The following GRID1 variants were observed in gnomAD, a reference collection of about 807,000 sequenced individuals.
GRID1 encodes glutamate ionotropic receptor delta type subunit 1.
In GRID1, 28 loss-of-function variants were observed where a neutral mutation model predicts 98.0. The ratio of observed to expected loss-of-function variants is 0.29; its 90% confidence interval spans 0.21 to 0.39. GRID1 has a LOEUF of 0.39. Among genes scored for constraint, GRID1 ranks in the 10% least tolerant of loss-of-function variants. The probability of loss-of-function intolerance (pLI) is 1.00; values close to 1 mark genes in which losing one functional copy is unlikely to be tolerated. For missense variants in GRID1, 1,111 were observed against 1,340.5 expected (o/e 0.83, Z 2.67); for synonymous variants, 553 against 538.5 (o/e 1.03, Z -0.37).
intron 4 of GRID1, among the ~76,000 whole-genome samples, chr10:86,103,915 G>A (rs1405485816): frequency 2.0e-5 from 3 of 152,276 alleles, no homozygotes; most frequent in African/African-American, 2.4e-5. Flanking sequence ...CCCTCATGGT[G>A]TTGCCTCCCA....
intron 6 of GRID1, among the ~76,000 whole-genome samples, chr10:85,860,820 G>A (rs1023659503): frequency 6.6e-6 from 1 of 152,160 alleles, no homozygotes; most frequent in African/African-American, 2.4e-5. Context: ...GCTGAGTGAT[G>A]TTGAACAAGC....
At chr10:86,118,626 T>A (rs1166509643) in intron 4 of GRID1, among the ~76,000 whole-genome samples, 1 of 152,190 alleles carries the variant, frequency 6.6e-6, no homozygotes, top group South Asian at 2.1e-4. Context: ...AATAGTGAGA[T>A]CTTTCCAAAG....
intron 4 of GRID1, among the ~76,000 whole-genome samples, chr10:86,113,183 G>A (rs926364509): frequency 6.6e-6 from 1 of 152,178 alleles, no homozygotes; most frequent in South Asian, 2.1e-4. Context: ...AATGGGTCAT[G>A]TCATTGCCCT....
At chr10:85,920,452 T>C (rs761298585) in intron 4 of GRID1, among the ~76,000 whole-genome samples, 8 of 152,104 alleles carry the variant, frequency 5.3e-5, no homozygotes, top group Non-Finnish European at 1.0e-4. Context: ...ATTCCTTCCT[T>C]CCTTCATTCA....
At chr10:86,350,101 G>A (rs973287302) in intron 2 of GRID1, among the ~76,000 whole-genome samples, 3 of 152,230 alleles carry the variant, frequency 2.0e-5, no homozygotes, top group Non-Finnish European at 4.4e-5. Flanking sequence ...CATGTGCAAA[G>A]GCCCCAGGGT....
chr10:86,349,933 C>T (rs1354256491), intron 2 of GRID1, among the ~76,000 whole-genome samples: 2 of 152,138 alleles, frequency 1.3e-5, no homozygotes, highest in Non-Finnish European at 2.9e-5. Context: ...TCATTGCCGA[C>T]GAGGACGCCT....
chr10:86,224,870 A>G (rs1027056626), intron 2 of GRID1, among the ~76,000 whole-genome samples: 1 of 152,186 alleles, frequency 6.6e-6, no homozygotes, highest in Admixed American at 6.5e-5. Flanking sequence ...CGCAACATCC[A>G]GAGCTCAGCT....
intron 8 of GRID1, among the ~76,000 whole-genome samples, chr10:85,848,235 C>T (rs1843025364): frequency 2.0e-5 from 3 of 151,940 alleles, no homozygotes. Context: ...GTATCATGTA[C>T]ATCAGGAGCC....
intron 8 of GRID1, among the ~76,000 whole-genome samples, chr10:85,772,904 A>G (rs1842287553): frequency 6.6e-6 from 1 of 152,282 alleles, no homozygotes. Flanking sequence ...ACAGGGAGGA[A>G]CTGGTACCAT....
chr10:86,165,135 A>G (rs1458538737), intron 3 of GRID1, among the ~76,000 whole-genome samples: 1 of 152,164 alleles, frequency 6.6e-6, no homozygotes, highest in African/African-American at 2.4e-5. Context: ...AACCCCAGCT[A>G]TGACCAATAG....
intron 2 of GRID1, among the ~76,000 whole-genome samples, chr10:86,363,634 A>C (rs569334564): frequency 6.8e-4 from 103 of 151,748 alleles, no homozygotes; most frequent in African/African-American, 2.5e-3. Flanking sequence ...GCCCCGAGCC[A>C]CGCACGCCTG....
At chr10:85,985,888 C>T (rs1199429453) in intron 4 of GRID1, among the ~76,000 whole-genome samples, 4 of 152,198 alleles carry the variant, frequency 2.6e-5, no homozygotes, top group Non-Finnish European at 4.4e-5. Context: ...AGATGCAAGG[C>T]CTGGTCTCTT....
intron 4 of GRID1, among the ~76,000 whole-genome samples, chr10:86,038,891 A>T (rs1421855145): frequency 6.6e-6 from 1 of 152,160 alleles, no homozygotes; most frequent in African/African-American, 2.4e-5. Flanking sequence ...CCTTCTCTTC[A>T]ACAGGCTAAA....
intron 4 of GRID1, among the ~76,000 whole-genome samples, chr10:85,976,452 GCT>G (rs1232494226): frequency 6.6e-6 from 1 of 152,228 alleles, no homozygotes; most frequent in East Asian, 1.9e-4. Flanking sequence ...CCCATGTCTG[GCT>G]CTCTCCAGAG....
intron 3 of GRID1, among the ~76,000 whole-genome samples, chr10:86,143,788 G>A (rs1165091296): frequency 1.3e-5 from 2 of 152,246 alleles, no homozygotes; most frequent in Non-Finnish European, 2.9e-5. Context: ...TGCAGGGACA[G>A]GGAGGAGCTC....
intron 14 of GRID1, among the ~76,000 whole-genome samples, chr10:85,617,496 A>T (rs566802821): frequency 6.6e-6 from 1 of 152,120 alleles, no homozygotes; most frequent in South Asian, 2.1e-4. Flanking sequence ...AGCCTCCCAA[A>T]GTGCTGGGAG....
chr10:86,158,389 G>A (rs775695850), intron 3 of GRID1, among the ~76,000 whole-genome samples: 5 of 152,210 alleles, frequency 3.3e-5, no homozygotes, highest in African/African-American at 9.7e-5. Context: ...TTGCAGCTAC[G>A]ATGACCATCA....
At chr10:85,639,804 C>T (rs1322861407) in intron 13 of GRID1, among the ~76,000 whole-genome samples, 4 of 152,090 alleles carry the variant, frequency 2.6e-5, no homozygotes, top group African/African-American at 7.2e-5. Context: ...ACCTGGGAGG[C>T]GGAGGTTGCG....
intron 15 of GRID1, among the ~76,000 whole-genome samples, chr10:85,607,716 T>C (rs985865323): frequency 6.6e-6 from 1 of 152,018 alleles, no homozygotes; most frequent in East Asian, 1.9e-4. Flanking sequence ...GTAAGGCAGC[T>C]TGCTGAAGCT....
Sources: gnomAD v4.1 joint callset for allele counts (sites outside exome capture counted in the v4.1 genomes callset) on GRCh38, gnomAD v4.1.1 for gene constraint, MANE v1.5 for transcripts, NCBI Gene and HGNC (gene_info 2026-07-23, HGNC 2026-07-21) for gene names.